The following GRIN2A variants were observed in gnomAD, a reference collection of about 807,000 sequenced individuals.
The protein encoded by GRIN2A is glutamate receptor ionotropic, NMDA 2A.
GRIN2A carries 22 observed loss-of-function variants against 113.4 expected under a neutral mutation model. That is an observed-to-expected ratio of 0.19 (90% CI 0.14 to 0.28). The LOEUF (loss-of-function observed/expected upper bound fraction) is 0.28, where lower values mean the gene tolerates loss of function less well. Among genes scored for constraint, GRIN2A ranks in the 10% least tolerant of loss-of-function variants. GRIN2A has a pLI of 1.00. For missense variants in GRIN2A, 1,502 were observed against 1,887.0 expected, an observed-to-expected ratio of 0.80 and a Z score of 3.78; for synonymous variants, 827 against 738.4, an observed-to-expected ratio of 1.12 and a Z score of -1.94.
chr16:9,984,942 GAT>G (rs1418918613), intron 2 of GRIN2A, among the ~76,000 whole-genome samples: 8 of 152,006 alleles, frequency 5.3e-5, no homozygotes, highest in Admixed American at 4.6e-4. Flanking sequence ...ACGTATCTGC[GAT>G]ATGACACTCC....
intron 2 of GRIN2A, among the ~76,000 whole-genome samples, chr16:10,145,521 A>G (rs1319053290): frequency 1.3e-5 from 2 of 152,116 alleles, no homozygotes; most frequent in Non-Finnish European, 2.9e-5. Context: ...TTTAAAAAAA[A>G]AAAATTGACC....
intron 2 of GRIN2A, among the ~76,000 whole-genome samples, chr16:9,993,372 A>G (rs1289034377): frequency 6.6e-6 from 1 of 152,090 alleles, no homozygotes; most frequent in African/African-American, 2.4e-5. Flanking sequence ...CAACATAGTG[A>G]AACCCCATCT....
chr16:10,165,749 AGAAAG>A, intron 2 of GRIN2A, among the ~76,000 whole-genome samples: 1 of 55,224 alleles, frequency 1.8e-5, no homozygotes, highest in Non-Finnish European at 3.4e-5. Flanking sequence ...AGGGGAGGGG[AGAAAG>A]GAGGGGAGGG....
intron 2 of GRIN2A, among the ~76,000 whole-genome samples, chr16:10,123,898 C>T (rs539775242): frequency 4.7e-4 from 71 of 152,252 alleles, no homozygotes; most frequent in African/African-American, 1.4e-3. Context: ...AGAGCTGCTC[C>T]GTGGGTTACA....
intron 3 of GRIN2A, among the ~76,000 whole-genome samples, chr16:9,901,662 G>A (rs909444129): frequency 1.3e-5 from 2 of 152,086 alleles, no homozygotes; most frequent in African/African-American, 4.8e-5. Context: ...GGTTGGTCAG[G>A]CTGGTCTCAA....
At position 9,763,548 on chromosome 16, in the gene GRIN2A, G is replaced by T. The variant is rs1454401849; in HGVS notation, c.3996C>A (p.Pro1332=). Reference sequence around the variant, plus strand: ...TTTTTTTCCCCGAGAGTTTGCTTGAGGGGACACTAAACAGGCTGCCGTAAA... The same window carrying T: ...TTTTTTTCCCCGAGAGTTTGCTTGATGGGACACTAAACAGGCTGCCGTAAA... The part of the protein sequence containing the change: ...GNFYGSLFSV[P]SSKLSGKKSS... Residue 1332 remains proline (P), a synonymous_variant, in exon 13 of 13, where the codon CCC becomes CCA. Transcript: ENST00000330684. The T allele has an allele frequency of 1.9e-6, 3 of 1,614,020 alleles. No individual in the cohort carries two copies. The South Asian group carries it at 3.3e-5, about 18-fold the overall frequency.
chr16:10,152,853 T>C (rs1369377604), intron 2 of GRIN2A, among the ~76,000 whole-genome samples: 2 of 152,224 alleles, frequency 1.3e-5, no homozygotes, highest in African/African-American at 4.8e-5. Flanking sequence ...TTACATACTG[T>C]ATGATTCCAA....
At chr16:10,062,008 G>A (rs1250559564) in intron 2 of GRIN2A, among the ~76,000 whole-genome samples, 8 of 152,172 alleles carry the variant, frequency 5.3e-5, no homozygotes, top group Non-Finnish European at 1.0e-4. Context: ...CATTTGCTCA[G>A]TGCCTCCATT....
intron 10 of GRIN2A, among the ~76,000 whole-genome samples, chr16:9,815,064 C>G (rs2042160605): frequency 6.6e-6 from 1 of 150,992 alleles, no homozygotes; most frequent in Non-Finnish European, 1.5e-5. Flanking sequence ...ATCCCACAGG[C>G]TTTGCAAACC....
rs1454237964 is a variant in GRIN2A at position 9,762,996 on chromosome 16, G to A, written c.*153C>T. 2.8e-6 allele frequency: 2 copies of A among 722,108 alleles called. No homozygotes were observed. Among genetic ancestry groups the A allele is most frequent in the East Asian group, 5.3e-5 (2 of 37,612 alleles). 44.7% of individuals were successfully genotyped at this position (722,108 alleles called of 1,614,324 possible). On this transcript the variant is annotated 3_prime_UTR_variant, in exon 13 of 13. Coordinates refer to ENST00000330684, the MANE Select transcript of GRIN2A (RefSeq NM_001134407.3). The stretch of plus-strand genomic sequence containing the variant: ...CTTGAGTGGAAGATTATGGCATGAA[G>A]CCGTGTGCAAAAGAGCCAACAACAA...
At chr16:10,158,405 G>C (rs1210505363) in intron 2 of GRIN2A, among the ~76,000 whole-genome samples, 2 of 152,164 alleles carry the variant, frequency 1.3e-5, no homozygotes, top group Non-Finnish European at 2.9e-5. Context: ...TGACCCAGCA[G>C]TTTCACTCTT....
chr16:9,833,072 G>C (rs1253692711), intron 8 of GRIN2A, among the ~76,000 whole-genome samples: 1 of 152,180 alleles, frequency 6.6e-6, no homozygotes, highest in Non-Finnish European at 1.5e-5. Context: ...TTTTGGGAAA[G>C]AGATTTGGTC....
At position 9,938,281 on chromosome 16, in the gene GRIN2A, G is replaced by C. The variant is rs2044763972; in HGVS notation, c.685C>G (p.Leu229Val). 1 of 1,614,046 alleles carries C rather than the reference G, an allele frequency of 6.2e-7. No homozygotes were observed. The highest frequency in any genetic ancestry group is 8.5e-7 in the Non-Finnish European group (1 of 1,179,898). Residue 229 changes from leucine (L) to valine (V), a missense_variant, in exon 3 of 13, where the codon CTC (leucine) becomes GTC (valine). Physicochemically the swap from Leu to Val is conservative, Grantham distance 32. Around this residue, in one of 7 missense-constraint regions of GRIN2A, gnomAD observed 334 missense variants for 403.0 expected, o/e 0.83. Transcript: ENST00000330684. ...ACAGCCTCGTCTTTGGAACAGTAGA[G>C]CAAGATGACAGAAGAGTGGATCTTC... ...LKKIHSSVIL[L>V]YCSKDEAVLI...
chr16:10,076,436 G>T (rs1489911446), intron 2 of GRIN2A, among the ~76,000 whole-genome samples: 1 of 152,178 alleles, frequency 6.6e-6, no homozygotes, highest in Non-Finnish European at 1.5e-5. Flanking sequence ...TAAAACAAGA[G>T]CTCAGCAGGG....
chr16:10,163,526 C>T (rs2049848935), intron 2 of GRIN2A, among the ~76,000 whole-genome samples: 2 of 152,142 alleles, frequency 1.3e-5, no homozygotes, highest in Admixed American at 1.3e-4. Context: ...TGCACTGGTG[C>T]AGCAGAACTG....
intron 10 of GRIN2A, among the ~76,000 whole-genome samples, chr16:9,808,409 G>A (rs1209650699): frequency 6.6e-6 from 1 of 152,174 alleles, no homozygotes; most frequent in Non-Finnish European, 1.5e-5. Flanking sequence ...CGACATCACG[G>A]AACTTGTCAC....
intron 2 of GRIN2A, among the ~76,000 whole-genome samples, chr16:10,041,019 A>T (rs1457724353): frequency 1.3e-5 from 2 of 152,196 alleles, no homozygotes; most frequent in Non-Finnish European, 2.9e-5. Flanking sequence ...AAAGTAACCC[A>T]GGTTAAGGCA....
At chr16:9,935,288 C>A (rs1415538000) in intron 3 of GRIN2A, among the ~76,000 whole-genome samples, 2 of 152,090 alleles carry the variant, frequency 1.3e-5, no homozygotes, top group Non-Finnish European at 2.9e-5. Context: ...TGGCAGCAAT[C>A]CTGCCTCTGT....
At chr16:10,109,117 A>T (rs7199298) in intron 2 of GRIN2A, among the ~76,000 whole-genome samples, 1 of 151,410 alleles carries the variant, frequency 6.6e-6, no homozygotes, top group African/African-American at 2.4e-5. Flanking sequence ...TACAGACTTT[A>T]AGATATTAAA....
Sources: allele counts gnomAD v4.1 joint callset (sites outside exome capture counted in the v4.1 genomes callset), GRCh38; gene constraint gnomAD v4.1.1; regional missense constraint gnomAD v4.1.1; transcripts MANE v1.5; gene names NCBI Gene and HGNC (gene_info 2026-07-23, HGNC 2026-07-21).